Variants in STK32C observed in about 807,000 individuals in gnomAD.
STK32C encodes serine/threonine kinase 32C.
A neutral mutation model predicts 56.5 loss-of-function variants in STK32C; 31 were observed. The ratio of observed to expected loss-of-function variants is 0.55; its 90% confidence interval spans 0.41 to 0.74. STK32C has a LOEUF of 0.74. Among genes scored for constraint, STK32C ranks in the 30% least tolerant of loss-of-function variants. STK32C has a pLI of 0.00. For synonymous variants in STK32C, 309 were observed against 289.4 expected, an observed-to-expected ratio of 1.07 and a Z score of -0.69; for missense variants, 544 against 676.9, an observed-to-expected ratio of 0.80 and a Z score of 2.18.
intron 2 of STK32C, among the ~76,000 whole-genome samples, chr10:132,242,852 C>T (rs953233144): frequency 4.6e-5 from 7 of 152,220 alleles, no homozygotes; most frequent in African/African-American, 1.7e-4. Flanking sequence ...GCCAGAGGGG[C>T]GGCTCCTCCA....
At chr10:132,268,013 A>G (rs2064638202) in intron 1 of STK32C, among the ~76,000 whole-genome samples, 1 of 137,028 alleles carries the variant, frequency 7.3e-6, no homozygotes, top group Non-Finnish European at 1.5e-5. Flanking sequence ...GTGTGTGTGC[A>G]TGCATGTGTA....
downstream of STK32C, among the ~76,000 whole-genome samples, chr10:132,322,722 G>A (rs1357551845): frequency 6.6e-6 from 1 of 152,152 alleles, no homozygotes; most frequent in Non-Finnish European, 1.5e-5. Context: ...GGGGGAGGAG[G>A]CACCCTGATC....
chr10:132,248,891 C>T, intron 1 of STK32C: 1 of 449,790 alleles, frequency 2.2e-6, no homozygotes, highest in South Asian at 1.6e-5. Flanking sequence ...GCCACCATCA[C>T]CTCCACTTTA....
chr10:132,224,508 G>A lies in STK32C; in HGVS notation c.892C>T (p.His298Tyr), dbSNP rs2062805508. 6.3e-7 allele frequency: 1 copy of A among 1,591,570 alleles called. No individual in the cohort carries two copies. Among genetic ancestry groups the A allele is most frequent in the Non-Finnish European group, 8.5e-7 (1 of 1,169,786 alleles). Residue 298 changes from histidine (H) to tyrosine (Y), a missense_variant, in exon 8 of 12, where the codon CAC becomes TAC. Physicochemically the swap from His to Tyr is moderately conservative, Grantham distance 83. Coordinates refer to ENST00000298630, the MANE Select transcript of STK32C (RefSeq NM_173575.4). Reference sequence around the variant, plus strand: ...AGGGACTCCACGGCGTTGCTGGAGTGGATGTCATAGGGCCTCTGGAGACAG... The same window carrying A: ...AGGGACTCCACGGCGTTGCTGGAGTAGATGTCATAGGGCCTCTGGAGACAG... The part of the protein sequence containing the change: ...LLRGWRPYDI[H>Y]SSNAVESLVQ...
chr10:132,216,634 A>G (rs1194125470), intron 10 of STK32C, among the ~76,000 whole-genome samples: 1 of 152,188 alleles, frequency 6.6e-6, no homozygotes, highest in African/African-American at 2.4e-5. Flanking sequence ...TCAGAGGCCT[A>G]GGAGGAAAAA....
Position 132,225,574 on chromosome 10 carries a change from TTGA to T in STK32C, c.722_724del (p.Ile241del). ...TAATGCCGTCGCCCGCTCCCCGTCC[TTGA>T]TGATGGTGGCAATGTTGAAGTCGGT... On this transcript the variant is annotated inframe_deletion, in exon 6 of 12. Coordinates refer to ENST00000298630, the MANE Select transcript of STK32C (RefSeq NM_173575.4). 6.2e-7 allele frequency: 1 copy of T among 1,613,830 alleles called. No homozygotes were observed. Among genetic ancestry groups the T allele is most frequent in the Non-Finnish European group, 8.5e-7 (1 of 1,179,924 alleles).
intron 1 of STK32C, among the ~76,000 whole-genome samples, chr10:132,253,507 T>A (rs1565113776): frequency 2.8e-5 from 2 of 71,846 alleles, no homozygotes; most frequent in Non-Finnish European, 5.1e-5. Context: ...TCGAGGGAGC[T>A]GAGGGAGCTG....
At chr10:132,232,293 G>A (rs778837573) in intron 2 of STK32C, among the ~76,000 whole-genome samples, 2 of 152,204 alleles carry the variant, frequency 1.3e-5, no homozygotes, top group African/African-American at 2.4e-5. Flanking sequence ...GGGGTTTTCC[G>A]TTGAAATGGA....
chr10:132,311,217 G>A (rs2066213961), upstream of STK32C, among the ~76,000 whole-genome samples: 1 of 152,106 alleles, frequency 6.6e-6, no homozygotes, highest in Non-Finnish European at 1.5e-5. This position sits in a 1 kb window ranked among gnomAD's most constrained non-coding sequence, Gnocchi z 4.4. Context: ...CACATGCTCT[G>A]CCCACGCCTT....
At chr10:132,209,192 G>T in intron 10 of STK32C, 91 bp from the exon 11 acceptor site, 1 of 1,221,010 alleles carries the variant, frequency 8.2e-7, no homozygotes. Flanking sequence ...TCCCCATCGG[G>T]CCTCCACCTG....
intron 1 of STK32C, among the ~76,000 whole-genome samples, chr10:132,259,734 T>A (rs747590311): frequency 7.2e-5 from 11 of 152,094 alleles, no homozygotes; most frequent in Non-Finnish European, 1.6e-4. Context: ...TATTACCCAG[T>A]CTCAGGTAGT....
chr10:132,315,539 G>A (rs566150893), intron 1 of STK32C, among the ~76,000 whole-genome samples: 18 of 152,202 alleles, frequency 1.2e-4, no homozygotes, highest in South Asian at 1.0e-3. Context: ...ATATGTATGC[G>A]CCTAATAAGA....
At position 132,255,781 on chromosome 10, in the gene STK32C, G is replaced by T. The variant is rs1224605334; in HGVS notation, c.263-9826C>A. 6.6e-6 allele frequency among the ~76,000 whole-genome samples: 1 copy of T among 152,188 alleles called. No homozygotes were observed. Among genetic ancestry groups the T allele is most frequent in the Non-Finnish European group, 1.5e-5 (1 of 68,026 alleles). On this transcript the variant is annotated intron_variant, in intron 1 of 11. Coordinates refer to ENST00000298630, the MANE Select transcript of STK32C (RefSeq NM_173575.4). This position sits in a 1 kb window ranked among gnomAD's most constrained non-coding sequence, Gnocchi z 4.6. ...CCCTGGACTCCTCAGTCCAGAGGGG[G>T]CCTGGAGCCTCGAGGTCATGCCTGG...
At chr10:132,257,273 G>A (rs1170167015) in intron 1 of STK32C, among the ~76,000 whole-genome samples, 2 of 152,098 alleles carry the variant, frequency 1.3e-5, no homozygotes, top group Non-Finnish European at 2.9e-5. Flanking sequence ...CCCTGTCCAC[G>A]TGTCTGTCCT....
At chr10:132,220,187 G>T (rs1373392175) in intron 10 of STK32C, among the ~76,000 whole-genome samples, 1 of 152,246 alleles carries the variant, frequency 6.6e-6, no homozygotes, top group Non-Finnish European at 1.5e-5. Flanking sequence ...TAAATCCAAT[G>T]CCTGGTGTCC....
intron 10 of STK32C, among the ~76,000 whole-genome samples, chr10:132,220,867 G>T (rs972717947): frequency 1.3e-5 from 2 of 152,174 alleles, no homozygotes; most frequent in African/African-American, 2.4e-5. Flanking sequence ...ACCATGCCTG[G>T]ACTTCCGATT....
chr10:132,242,648 C>A (rs1015711488), intron 2 of STK32C, among the ~76,000 whole-genome samples: 1 of 152,242 alleles, frequency 6.6e-6, no homozygotes, highest in East Asian at 1.9e-4. Context: ...GTGTGCCCCC[C>A]ATGCGGCCCC....
chr10:132,275,736 G>C (rs2064976899), intron 1 of STK32C, among the ~76,000 whole-genome samples: 1 of 152,236 alleles, frequency 6.6e-6, no homozygotes, highest in Middle Eastern at 3.4e-3. Context: ...CAGGCTCCAG[G>C]GTCTGCCTTC....
rs973155047 is a variant in STK32C at position 132,255,129 on chromosome 10, C to A, written c.263-9174G>T. Among the ~76,000 whole-genome samples, 2 of 152,204 alleles carry A rather than the reference C, an allele frequency of 1.3e-5. No individual in the cohort carries two copies. Among genetic ancestry groups the A allele is most frequent in the South Asian group, 4.1e-4 (2 of 4,830 alleles). On this transcript the variant is annotated intron_variant, in intron 1 of 11. Coordinates refer to ENST00000298630, the MANE Select transcript of STK32C (RefSeq NM_173575.4). The surrounding 1 kb of genome is among the most constrained non-coding windows in gnomAD (Gnocchi z 4.6). ...ATGTCACACGTGGTTGAAACACACG[C>A]AGAAGTTGATTAAATGCCGTCTCGT... is the stretch of plus-strand genomic sequence containing the variant.
Sources: gnomAD v4.1 joint callset for allele counts (sites outside exome capture counted in the v4.1 genomes callset) on GRCh38, gnomAD v4.1.1 for gene constraint, Gnocchi (gnomAD v3.1) non-coding constraint, MANE v1.5 for transcripts, NCBI Gene and HGNC (gene_info 2026-07-23, HGNC 2026-07-21) for gene names.